Variants in PRKCH observed in about 807,000 individuals in gnomAD.
The protein encoded by PRKCH is protein kinase C eta type.
A neutral mutation model predicts 82.5 loss-of-function variants in PRKCH; 28 were observed. That is an observed-to-expected ratio of 0.34 (90% CI 0.25 to 0.47). PRKCH has a LOEUF of 0.47. Among genes scored for constraint, PRKCH ranks in the 20% least tolerant of loss-of-function variants. The pLI, the probability that PRKCH is intolerant of heterozygous loss-of-function variation, is 1.00. For missense variants in PRKCH, 705 were observed against 881.8 expected, an observed-to-expected ratio of 0.80 and a Z score of 2.54; for synonymous variants, 322 against 327.4, an observed-to-expected ratio of 0.98 and a Z score of 0.18.
chr14:61,484,678 C>G (rs1175513664), intron 9 of PRKCH, among the ~76,000 whole-genome samples: 1 of 151,074 alleles, frequency 6.6e-6, no homozygotes, highest in Non-Finnish European at 1.5e-5. Context: ...TCGCTCATTT[C>G]TACATTCCGA....
chr14:61,201,151 A>G (rs1279645723), intron 1 of PRKCH, among the ~76,000 whole-genome samples: 1 of 152,174 alleles, frequency 6.6e-6, no homozygotes, highest in Non-Finnish European at 1.5e-5. Context: ...ACACCTTCCT[A>G]ATGGATTCAT....
chr14:61,352,895 A>AT (rs752000791), intron 1 of PRKCH, among the ~76,000 whole-genome samples: 12 of 152,224 alleles, frequency 7.9e-5, no homozygotes, highest in South Asian at 2.1e-4. Flanking sequence ...TGAATTCAGG[A>AT]TTTTTTCAGT....
intron 1 of PRKCH, among the ~76,000 whole-genome samples, chr14:61,222,430 A>G (rs1311339795): frequency 6.6e-6 from 1 of 152,162 alleles, no homozygotes; most frequent in Non-Finnish European, 1.5e-5. Context: ...AAGACAATAA[A>G]TGGCATTTTA....
intron 12 of PRKCH, among the ~76,000 whole-genome samples, chr14:61,540,733 C>T (rs190445362): frequency 2.2e-4 from 33 of 152,326 alleles, no homozygotes; most frequent in African/African-American, 7.9e-4. Flanking sequence ...CCTTCTCAAA[C>T]CAGTCTGGAT....
intron 1 of PRKCH, among the ~76,000 whole-genome samples, chr14:61,337,507 A>T (rs192023130): frequency 6.6e-6 from 1 of 152,116 alleles, no homozygotes; most frequent in Admixed American, 6.5e-5. Context: ...TGTAACCTTG[A>T]CCTCCTGGGC....
chr14:61,230,238 T>C (rs980503114), intron 1 of PRKCH, among the ~76,000 whole-genome samples: 4 of 152,184 alleles, frequency 2.6e-5, no homozygotes, highest in African/African-American at 4.8e-5. Context: ...GCTTCCTGTT[T>C]TGTCTTTCAC....
chr14:61,496,366 T>C (rs1004643366), intron 10 of PRKCH, among the ~76,000 whole-genome samples: 7 of 152,224 alleles, frequency 4.6e-5, no homozygotes, highest in African/African-American at 9.6e-5. Context: ...TGTGGTGGAA[T>C]CTACAATTCC....
chr14:61,518,334 T>C (rs989137285), intron 10 of PRKCH, among the ~76,000 whole-genome samples: 2 of 150,726 alleles, frequency 1.3e-5, no homozygotes, highest in Non-Finnish European at 2.9e-5. Context: ...TTGGCAACCA[T>C]AAAATAAAAG....
At chr14:61,233,947 C>A (rs536638916) in intron 1 of PRKCH, among the ~76,000 whole-genome samples, 1 of 152,172 alleles carries the variant, frequency 6.6e-6, no homozygotes. Context: ...CTTTTACCCT[C>A]GGATACTATT....
At chr14:61,317,339 A>T (rs1226499922), upstream of PRKCH, among the ~76,000 whole-genome samples, 2 of 152,122 alleles carry the variant, frequency 1.3e-5, no homozygotes, top group African/African-American at 4.8e-5. Flanking sequence ...TTTTCACCTC[A>T]ACCTACCCTA....
chr14:61,529,878 G>T (rs112751818), intron 11 of PRKCH, among the ~76,000 whole-genome samples: 6 of 143,368 alleles, frequency 4.2e-5, no homozygotes, highest in Non-Finnish European at 3.0e-5. Context: ...CACAATGTGC[G>T]CATGTACCCT....
chr14:61,264,542 G>A (rs746537757), intron 1 of PRKCH, among the ~76,000 whole-genome samples: 67 of 152,204 alleles, frequency 4.4e-4, no homozygotes, highest in Non-Finnish European at 9.0e-4. Context: ...ACAAAAATCA[G>A]CTAGGGAATT....
At chr14:61,384,947 T>C (rs751810619) in intron 1 of PRKCH, among the ~76,000 whole-genome samples, 20 of 152,100 alleles carry the variant, frequency 1.3e-4, no homozygotes, top group Non-Finnish European at 2.1e-4. Flanking sequence ...TGGGTATGGA[T>C]GTCCCGTTGT....
chr14:61,192,967 T>G (rs987919605), intron 1 of PRKCH, among the ~76,000 whole-genome samples: 1 of 152,242 alleles, frequency 6.6e-6, no homozygotes, highest in African/African-American at 2.4e-5. Context: ...GAAGTCACCA[T>G]GAACATGAGG....
Position 61,529,142 on chromosome 14 carries a change from T to G in PRKCH, c.1501T>G (p.Cys501Gly), listed in dbSNP as rs1212742828. The G allele has an allele frequency of 6.2e-7, 1 of 1,613,948 alleles. No homozygotes were observed. The highest frequency in any genetic ancestry group is 2.2e-5 in the East Asian group (1 of 44,878). ...CTGTAAACTGGCAGACTTCGGAATGTGCAAGGAGGGGATTTGCAATGGTGT... is the reference window on the plus strand; with the variant it reads ...CTGTAAACTGGCAGACTTCGGAATGGGCAAGGAGGGGATTTGCAATGGTGT... ...GHCKLADFGM[C>G]KEGICNGVTT... Residue 501 changes from cysteine (C) to glycine (G), a missense_variant, in exon 11 of 14, where the codon TGC (cysteine) becomes GGC (glycine). Cys to Gly is a radical substitution (Grantham distance 159, BLOSUM62 -3). Transcript: ENST00000332981.
intron 1 of PRKCH, among the ~76,000 whole-genome samples, chr14:61,352,384 C>T (rs765467837): frequency 6.6e-5 from 10 of 152,046 alleles, no homozygotes; most frequent in Admixed American, 5.9e-4. Flanking sequence ...AGATATAGGC[C>T]GGGCGTGGTG....
chr14:61,248,449 C>T (rs1274179147), intron 1 of PRKCH, among the ~76,000 whole-genome samples: 1 of 152,220 alleles, frequency 6.6e-6, no homozygotes. Flanking sequence ...CTGCCAACCA[C>T]TCAACCTGTG....
intron 10 of PRKCH, among the ~76,000 whole-genome samples, chr14:61,522,552 C>T (rs1013576896): frequency 6.6e-6 from 1 of 152,206 alleles, no homozygotes; most frequent in African/African-American, 2.4e-5. Context: ...CTCACTTTCC[C>T]TTCTTTCTGT....
chr14:61,387,830 G>A (rs998632650), intron 1 of PRKCH, among the ~76,000 whole-genome samples: 2 of 152,166 alleles, frequency 1.3e-5, no homozygotes, highest in African/African-American at 4.8e-5. Context: ...CATATTTTCT[G>A]TTCTGTTTTT....
Sources: allele counts gnomAD v4.1 joint callset (sites outside exome capture counted in the v4.1 genomes callset), GRCh38; gene constraint gnomAD v4.1.1; transcripts MANE v1.5; gene names NCBI Gene and HGNC (gene_info 2026-07-23, HGNC 2026-07-21).